VAC14: variants seen among roughly 807,000 people sequenced by gnomAD.
VAC14 encodes the protein protein VAC14 homolog.
VAC14 carries 47 observed loss-of-function variants against 85.3 expected under a neutral mutation model. That is an observed-to-expected ratio of 0.55 (90% CI 0.44 to 0.70). The LOEUF is 0.70. Among genes scored for constraint, VAC14 ranks in the 30% least tolerant of loss-of-function variants. The pLI is 0.00. For missense variants in VAC14, 861 were observed against 1,004.3 expected (o/e 0.86, Z 1.93); for synonymous variants, 447 against 430.5 (o/e 1.04, Z -0.47).
intron 14 of VAC14, chr16:70,714,826 G>C (rs963631895): frequency 6.6e-6 from 1 of 152,260 alleles, no homozygotes; most frequent in Non-Finnish European, 1.5e-5. Flanking sequence ...TAACTAGCCT[G>C]CGGTGTTTCA....
chr16:70,695,519 A>T, intron 17 of VAC14, 25 bp downstream of exon 17: 1 of 1,612,176 alleles, frequency 6.2e-7, no homozygotes, highest in Non-Finnish European at 8.5e-7. Context: ...TCATGGCGCG[A>T]GGTGTGGTGG....
At chr16:70,697,469 C>A (rs988546189) in intron 15 of VAC14, among the ~76,000 whole-genome samples, 1 of 152,234 alleles carries the variant, frequency 6.6e-6, no homozygotes, top group African/African-American at 2.4e-5. Flanking sequence ...CCTCCCAGTC[C>A]CAGAGCTGTG....
At chr16:70,786,477 G>A in intron 1 of VAC14, 112 bp from the exon 2 acceptor site, 1 of 1,418,598 alleles carries the variant, frequency 7.0e-7, no homozygotes, top group Non-Finnish European at 9.6e-7. Context: ...GAGGAAATGG[G>A]AGACAGGCGT....
intron 13 of VAC14, among the ~76,000 whole-genome samples, chr16:70,738,449 C>T (rs2029922952): frequency 1.3e-5 from 2 of 152,330 alleles, no homozygotes; most frequent in Admixed American, 1.3e-4. Flanking sequence ...CAGCAGGGCC[C>T]AGTGGGGACT....
chr16:70,711,524 CT>C (rs1461327693), intron 14 of VAC14, among the ~76,000 whole-genome samples: 1 of 152,078 alleles, frequency 6.6e-6, no homozygotes. Context: ...GTGCACAGCC[CT>C]GGCCTCCTCT....
chr16:70,725,814 C>T (rs1222151490), intron 14 of VAC14, among the ~76,000 whole-genome samples: 1 of 152,212 alleles, frequency 6.6e-6, no homozygotes, highest in Non-Finnish European at 1.5e-5. Context: ...TAGGAGTGCC[C>T]TGTTCTCCTG....
chr16:70,711,845 G>C (rs2054040933), intron 14 of VAC14, among the ~76,000 whole-genome samples: 1 of 152,230 alleles, frequency 6.6e-6, no homozygotes, highest in Non-Finnish European at 1.5e-5. Flanking sequence ...ATAAGTGTCA[G>C]GAAACAGGAC....
intron 1 of VAC14, among the ~76,000 whole-genome samples, chr16:70,789,971 G>A (rs2034261440): frequency 6.6e-6 from 1 of 152,174 alleles, no homozygotes; most frequent in Admixed American, 6.5e-5. Flanking sequence ...CTCCTCTCCT[G>A]TCTCCTTGTT....
At chr16:70,715,163 TG>T (rs2054136178) in intron 14 of VAC14, 1 of 152,272 alleles carries the variant, frequency 6.6e-6, no homozygotes, top group Non-Finnish European at 1.5e-5. Flanking sequence ...GTGTGGGGAC[TG>T]GTCTCTGGGC....
Position 70,697,144 on chromosome 16 carries a change from C to T in VAC14, c.1950G>A (p.Gln650=), listed in dbSNP as rs781289270. ...CACAGTGAGAGGAAGGATACAACTT[C>T]TGGATGAGGTCATAGGCGTGCCGGT... The part of the protein sequence containing the change: ...QNYRHAYDLI[Q]KFGDLEVTVD... Residue 650 remains glutamine, a synonymous_variant, in exon 16 of 19, where the codon CAG becomes CAA. Transcript: ENST00000261776. 10 of 1,613,016 alleles carry T rather than the reference C, an allele frequency of 6.2e-6. No homozygotes were observed. The highest frequency in any genetic ancestry group is 1.1e-5 in the South Asian group (1 of 91,000).
chr16:70,780,660 G>T, intron 9 of VAC14, 130 bp downstream of exon 9: 1 of 1,219,044 alleles, frequency 8.2e-7, no homozygotes, highest in East Asian at 2.4e-5. Context: ...CTGGGTTGCT[G>T]CTACAATTGT....
chr16:70,786,199 T>G lies in VAC14; in HGVS notation c.255+16A>C. On this transcript the variant is annotated intron_variant, in intron 2 of 18. Transcript: ENST00000261776. Reference sequence around the variant, plus strand: ...GGCCAGGACTGGTATGTCTGTCCCTTGGGTGAAAGGCCCACCTTGCCCAGT... The same window carrying G: ...GGCCAGGACTGGTATGTCTGTCCCTGGGGTGAAAGGCCCACCTTGCCCAGT... 2 of 1,612,978 alleles carry G rather than the reference T, an allele frequency of 1.2e-6. No homozygotes were observed. The highest frequency in any genetic ancestry group is 2.2e-5 in the South Asian group (2 of 90,906).
At chr16:70,766,167 A>G (rs2032796919) in intron 10 of VAC14, among the ~76,000 whole-genome samples, 1 of 151,746 alleles carries the variant, frequency 6.6e-6, no homozygotes, top group Non-Finnish European at 1.5e-5. Flanking sequence ...AAAAAAAAAA[A>G]AAAAAGAAAA....
chr16:70,745,531 G>C (rs1417126579), intron 12 of VAC14, among the ~76,000 whole-genome samples: 1 of 151,046 alleles, frequency 6.6e-6, no homozygotes, highest in African/African-American at 2.4e-5. Context: ...GCGTGTGCGC[G>C]CGTGTGCCTG....
At chr16:70,740,867 C>A (rs1418644123) in intron 13 of VAC14, among the ~76,000 whole-genome samples, 2 of 152,186 alleles carry the variant, frequency 1.3e-5, no homozygotes, top group African/African-American at 2.4e-5. Context: ...CAAGGCCAGG[C>A]GAGAGGAAAA....
chr16:70,781,043 G>A (rs913958189), intron 8 of VAC14, 104 bp from the exon 9 acceptor site: 25 of 1,517,564 alleles, frequency 1.6e-5, no homozygotes, highest in Non-Finnish European at 2.1e-5. Flanking sequence ...CCTGGTGGGA[G>A]GGGTTTCGGT....
At chr16:70,704,709 C>G (rs554034563) in intron 14 of VAC14, among the ~76,000 whole-genome samples, 1 of 152,184 alleles carries the variant, frequency 6.6e-6, no homozygotes, top group South Asian at 2.1e-4. Flanking sequence ...GAGCCTGGCA[C>G]GTTAGAGGCT....
chr16:70,747,214 G>C (rs969564134), intron 12 of VAC14: 3 of 152,138 alleles, frequency 2.0e-5, no homozygotes, highest in African/African-American at 7.2e-5. Flanking sequence ...CGAGAAGCCA[G>C]CCACAAAGTC....
At chr16:70,767,192 C>T (rs1330913967) in intron 10 of VAC14, among the ~76,000 whole-genome samples, 1 of 152,290 alleles carries the variant, frequency 6.6e-6, no homozygotes, top group Non-Finnish European at 1.5e-5. Context: ...GCTGCTGTGA[C>T]TATTAAAATA....
Sources: allele counts gnomAD v4.1 joint callset (sites outside exome capture counted in the v4.1 genomes callset), GRCh38; gene constraint gnomAD v4.1.1; transcripts MANE v1.5; gene names NCBI Gene and HGNC (gene_info 2026-07-23, HGNC 2026-07-21).